Variants in RAB1A observed in about 807,000 individuals in gnomAD.
RAB1A encodes the protein ras-related protein Rab-1A.
RAB1A carries 2 observed loss-of-function variants against 26.0 expected under a neutral mutation model. The ratio of observed to expected loss-of-function variants is 0.08; its 90% CI spans 0.03 to 0.24. The LOEUF is 0.24. Among genes scored for constraint, RAB1A ranks in the 10% least tolerant of loss-of-function variants. RAB1A has a pLI of 1.00. For missense variants in RAB1A, 100 were observed against 247.0 expected (o/e 0.40, Z 3.99); for synonymous variants, 84 against 84.9 (o/e 0.99, Z 0.06).
intron 1 of RAB1A, among the ~76,000 whole-genome samples, chr2:65,112,728 G>A (rs115214207): frequency 0.032 from 4,821 of 152,228 alleles, 272 homozygotes; most frequent in African/African-American, 0.11. Context: ...ATTAACAGTA[G>A]GCTTTAACAA....
At chr2:65,123,234 G>A (rs190863947) in intron 1 of RAB1A, among the ~76,000 whole-genome samples, 225 of 147,568 alleles carry the variant, frequency 1.5e-3, no homozygotes, top group African/African-American at 5.5e-3. Flanking sequence ...GCAGTGGCGC[G>A]ATCTCGGCTC....
chr2:65,128,403 G>A (rs1480835537), intron 1 of RAB1A, among the ~76,000 whole-genome samples: 1 of 152,000 alleles, frequency 6.6e-6, no homozygotes, highest in Non-Finnish European at 1.5e-5. Flanking sequence ...ACTAAATTAA[G>A]AACCTCAAGT....
chr2:65,119,599 A>T lies in RAB1A; in HGVS notation c.23+10294T>A, dbSNP rs191128180. ...AAAACAAAAACAAAAAAAAACAAAA[A>T]AACCCTATCAGAATGAATCAAATCA... On this transcript the variant is annotated intron_variant, in intron 1 of 5. Coordinates refer to ENST00000409784, the MANE Select transcript of RAB1A (RefSeq NM_004161.5). Among the ~76,000 whole-genome samples the T allele has an allele frequency of 2.2e-4, 34 of 151,850 alleles. 1 individual carries two copies. The East Asian group carries it at 6.6e-3, about 29-fold the overall frequency.
At chr2:65,120,386 G>A (rs927741427) in intron 1 of RAB1A, among the ~76,000 whole-genome samples, 29 of 150,056 alleles carry the variant, frequency 1.9e-4, no homozygotes, top group African/African-American at 6.4e-4. Flanking sequence ...AACCTGGGAG[G>A]TGGAGGTTGC....
At chr2:65,104,444 C>G (rs1669506993) in intron 2 of RAB1A, among the ~76,000 whole-genome samples, 1 of 152,142 alleles carries the variant, frequency 6.6e-6, no homozygotes, top group Non-Finnish European at 1.5e-5. Flanking sequence ...AGGCCACCAA[C>G]TACCCCTTTA....
intron 1 of RAB1A, among the ~76,000 whole-genome samples, chr2:65,123,670 A>G (rs1470243716): frequency 6.6e-6 from 1 of 151,952 alleles, no homozygotes; most frequent in African/African-American, 2.4e-5. Context: ...TACTAAAACT[A>G]CAAAAATTAG....
chr2:65,114,713 C>T (rs1020287814), intron 1 of RAB1A, among the ~76,000 whole-genome samples: 3 of 152,010 alleles, frequency 2.0e-5, no homozygotes, highest in African/African-American at 7.2e-5. Context: ...GGCGCGGTGG[C>T]GGGCGCCTGT....
chr2:65,126,621 T>C (rs1288871266), intron 1 of RAB1A, among the ~76,000 whole-genome samples: 2 of 152,198 alleles, frequency 1.3e-5, no homozygotes, highest in East Asian at 1.9e-4. Flanking sequence ...TATAAATTGG[T>C]AATGATAAAC....
chr2:65,097,060 T>G (rs916587596), intron 3 of RAB1A, among the ~76,000 whole-genome samples: 1 of 150,808 alleles, frequency 6.6e-6, no homozygotes, highest in African/African-American at 2.5e-5. Flanking sequence ...AGGTAAATAC[T>G]AGAACCAAGA....
chr2:65,121,351 G>C (rs1484647853), intron 1 of RAB1A, among the ~76,000 whole-genome samples: 1 of 151,482 alleles, frequency 6.6e-6, no homozygotes, highest in African/African-American at 2.4e-5. Context: ...TGTGAATAAA[G>C]GCATGCATAT....
Position 65,088,543 on chromosome 2 carries a change from C to T in RAB1A, c.568G>A (p.Val190Ile). 6.2e-7 allele frequency: 1 copy of T among 1,613,418 alleles called. No individual in the cohort carries two copies. ...TTGACTGGAGTGCTCTGAATTTTAA[C>T]ATTGGACTTCTCAGCACCACCAGCT... The part of the protein sequence containing the change: ...ATAGGAEKSN[V>I]KIQSTPVKQS... The change falls in exon 6 of 6, where the codon GTT becomes ATT. Residue 190 changes from valine (V) to isoleucine (I), a missense_variant. Around this residue, in one of 2 missense-constraint regions of RAB1A, gnomAD observed 67 missense variants for 122.9 expected, o/e 0.55. Coordinates refer to ENST00000409784, the MANE Select transcript of RAB1A (RefSeq NM_004161.5).
intron 2 of RAB1A, among the ~76,000 whole-genome samples, chr2:65,102,627 TAAAA>T (rs35458725): frequency 5.5e-5 from 8 of 145,146 alleles, no homozygotes; most frequent in Non-Finnish European, 4.5e-5. Context: ...TCTTTCAAGT[TAAAA>T]AAAAAAAAAA....
intron 1 of RAB1A, among the ~76,000 whole-genome samples, chr2:65,108,650 TAC>T (rs1043580546): frequency 3.3e-5 from 5 of 151,102 alleles, no homozygotes; most frequent in African/African-American, 1.2e-4. Context: ...TTACTAAAAA[TAC>T]AAAATTAGCC....
intron 1 of RAB1A, among the ~76,000 whole-genome samples, chr2:65,107,056 A>C (rs1347384535): frequency 6.6e-6 from 1 of 151,476 alleles, no homozygotes; most frequent in African/African-American, 2.4e-5. Flanking sequence ...CCTGGCCCCA[A>C]ATATTCTTTT....
chr2:65,111,369 A>AG, intron 1 of RAB1A, among the ~76,000 whole-genome samples: 1 of 152,252 alleles, frequency 6.6e-6, no homozygotes, highest in East Asian at 1.9e-4. Context: ...CTCAAAAAAA[A>AG]AAAAAAAATA....
At chr2:65,092,102 G>A (rs1669185667) in intron 3 of RAB1A, among the ~76,000 whole-genome samples, 1 of 152,076 alleles carries the variant, frequency 6.6e-6, no homozygotes, top group Non-Finnish European at 1.5e-5. Context: ...GTGAAACCCT[G>A]TCTCTACTAA....
intron 5 of RAB1A, 86 bp from the exon 6 acceptor site, chr2:65,088,776 A>T: frequency 7.5e-7 from 1 of 1,330,658 alleles, no homozygotes. Flanking sequence ...ATGGAGCGTG[A>T]GGAACTAAGT....
chr2:65,124,501 G>A (rs1261758693), intron 1 of RAB1A, among the ~76,000 whole-genome samples: 2 of 152,142 alleles, frequency 1.3e-5, no homozygotes, highest in African/African-American at 2.4e-5. Flanking sequence ...AGGCTGGAGT[G>A]CAGTGGCGCA....
chr2:65,108,073 T>G (rs1229213085), intron 1 of RAB1A, among the ~76,000 whole-genome samples: 1 of 105,010 alleles, frequency 9.5e-6, no homozygotes, highest in Non-Finnish European at 2.1e-5. Flanking sequence ...AAAAAAAAAA[T>G]CAACAACTCT....
Sources: gnomAD v4.1 joint callset for allele counts (sites outside exome capture counted in the v4.1 genomes callset) on GRCh38, gnomAD v4.1.1 for gene constraint, gnomAD v4.1.1 regional missense constraint, MANE v1.5 for transcripts, NCBI Gene and HGNC (gene_info 2026-07-23, HGNC 2026-07-21) for gene names.